RBMS1: variants seen among roughly 807,000 people sequenced by gnomAD.
RBMS1 encodes RNA-binding motif, single-stranded-interacting protein 1.
RBMS1 carries 17 observed loss-of-function variants against 62.3 expected under a neutral mutation model. The ratio of observed to expected loss-of-function variants is 0.27; its 90% CI spans 0.19 to 0.41. RBMS1 has a LOEUF of 0.41. Ranked by LOEUF, RBMS1 falls within the 10% of genes least tolerant of loss-of-function variation. The pLI is 1.00. For missense variants in RBMS1, 334 were observed against 504.5 expected (o/e 0.66, Z 3.24); for synonymous variants, 172 against 170.0 (o/e 1.01, Z -0.09).
intron 2 of RBMS1, among the ~76,000 whole-genome samples, chr2:160,322,537 T>C (rs1559378922): frequency 6.6e-6 from 1 of 152,250 alleles, no homozygotes. Flanking sequence ...GGAGTAAGAC[T>C]GAAAGACTGT....
intron 2 of RBMS1, among the ~76,000 whole-genome samples, chr2:160,333,936 A>G (rs1691425355): frequency 6.6e-6 from 1 of 152,146 alleles, no homozygotes; most frequent in South Asian, 2.1e-4. Context: ...TTAAAAAAAA[A>G]AGAGATAAAA....
chr2:160,392,049 C>A (rs1694892147), intron 1 of RBMS1, among the ~76,000 whole-genome samples: 1 of 152,078 alleles, frequency 6.6e-6, no homozygotes, highest in Non-Finnish European at 1.5e-5. Flanking sequence ...CAAATAAAAC[C>A]AAGCAAAAGA....
In RBMS1 at chr2:160,275,774, C is replaced by T. The variant is rs1449479404; in HGVS notation, c.1144-60G>A. 1.4e-5 allele frequency: 22 copies of T among 1,609,278 alleles called. No individual in the cohort carries two copies. In the African/African-American group the frequency reaches 2.3e-4, roughly 17 times the overall value. ...TAGTGAAAAAACCTCAGCTCTGCTA[C>T]TTAGGCCTGACTGAATCCAACAGTG... On this transcript the variant is annotated intron_variant, in intron 12 of 13. Transcript: ENST00000348849.
intron 1 of RBMS1, among the ~76,000 whole-genome samples, chr2:160,454,734 A>G (rs1452141281): frequency 6.6e-6 from 1 of 152,176 alleles, no homozygotes; most frequent in African/African-American, 2.4e-5. Context: ...CTTTCTTGTA[A>G]AGGCACCAGT....
At chr2:160,333,976 T>A (rs1296659044) in intron 2 of RBMS1, among the ~76,000 whole-genome samples, 1 of 152,090 alleles carries the variant, frequency 6.6e-6, no homozygotes, top group Non-Finnish European at 1.5e-5. Context: ...CATGAAAACA[T>A]GAGTGGTACA....
chr2:160,297,911 C>T (rs957090094), intron 6 of RBMS1, among the ~76,000 whole-genome samples: 2 of 152,168 alleles, frequency 1.3e-5, no homozygotes, highest in African/African-American at 2.4e-5. Context: ...CCATGCCATT[C>T]CAGGAATCCT....
At chr2:160,416,872 C>T (rs1234604405) in intron 1 of RBMS1, among the ~76,000 whole-genome samples, 1 of 152,128 alleles carries the variant, frequency 6.6e-6, no homozygotes, top group Admixed American at 6.5e-5. Flanking sequence ...TGTTAAACAG[C>T]CTTGAAATCT....
intron 1 of RBMS1, among the ~76,000 whole-genome samples, chr2:160,444,917 T>A (rs183362045): frequency 6.4e-4 from 98 of 152,296 alleles, no homozygotes; most frequent in African/African-American, 2.2e-3. Context: ...GGCACCCCGA[T>A]CTTGGACTCC....
chr2:160,374,686 T>C (rs1173043751), intron 1 of RBMS1, among the ~76,000 whole-genome samples: 11 of 152,106 alleles, frequency 7.2e-5, no homozygotes, highest in Admixed American at 7.2e-4. Context: ...TCCTAGTACT[T>C]TGGGAGGCCA....
intron 1 of RBMS1, among the ~76,000 whole-genome samples, chr2:160,369,698 G>GGCCC (rs529788530): frequency 6.6e-6 from 1 of 152,174 alleles, no homozygotes; most frequent in South Asian, 2.1e-4. Context: ...CTGTGGATCA[G>GGCCC]GCCCGCCCCT....
intron 2 of RBMS1, 132 bp downstream of exon 2, chr2:160,367,083 CA>C: frequency 3.6e-6 from 3 of 830,706 alleles, no homozygotes; most frequent in Non-Finnish European, 5.3e-6. Context: ...ACTTGAAACC[CA>C]TTTTATTGTT....
At chr2:160,397,752 G>T (rs143963963) in intron 1 of RBMS1, among the ~76,000 whole-genome samples, 1 of 151,972 alleles carries the variant, frequency 6.6e-6, no homozygotes, top group African/African-American at 2.4e-5. Flanking sequence ...CCTCCCAATG[G>T]GTATTTCCAA....
At chr2:160,275,742 G>A in intron 12 of RBMS1, 28 bp from the exon 13 acceptor site, 2 of 1,613,186 alleles carry the variant, frequency 1.2e-6, no homozygotes, top group Non-Finnish European at 1.7e-6. Flanking sequence ...GAATGGATGA[G>A]ACATGTTAGT....
intron 10 of RBMS1, 127 bp from the exon 11 acceptor site, chr2:160,278,785 T>C (rs1313323130): frequency 1.6e-5 from 10 of 620,184 alleles, no homozygotes; most frequent in Admixed American, 6.6e-5. Context: ...CCTTCCTCAA[T>C]CTTGCAAATG....
intron 1 of RBMS1, among the ~76,000 whole-genome samples, chr2:160,438,921 G>T (rs1296884449): frequency 1.4e-5 from 2 of 146,778 alleles, no homozygotes; most frequent in Non-Finnish European, 3.0e-5. Flanking sequence ...TGGACGGGGC[G>T]GCTGGCCGGG....
intron 6 of RBMS1, among the ~76,000 whole-genome samples, chr2:160,299,600 G>A (rs1026195343): frequency 8.5e-5 from 13 of 152,162 alleles, no homozygotes; most frequent in Admixed American, 7.9e-4. Flanking sequence ...TCAATGAGAC[G>A]GCACCTCAAG....
intron 1 of RBMS1, among the ~76,000 whole-genome samples, chr2:160,453,213 A>G (rs1250004088): frequency 3.3e-5 from 5 of 149,608 alleles, no homozygotes; most frequent in African/African-American, 7.3e-5. Flanking sequence ...TCCAGAGAGA[A>G]AAAAAAAAAT....
chr2:160,449,174 C>T (rs955079254), intron 1 of RBMS1, among the ~76,000 whole-genome samples: 1 of 151,554 alleles, frequency 6.6e-6, no homozygotes. Context: ...GCGTCTCCGC[C>T]GGGCAGCCGC....
At chr2:160,446,515 T>G (rs1310989835) in intron 1 of RBMS1, among the ~76,000 whole-genome samples, 1 of 152,182 alleles carries the variant, frequency 6.6e-6, no homozygotes, top group African/African-American at 2.4e-5. Flanking sequence ...CTTTCTTTCC[T>G]CTTAGGCCAA....
Sources: allele counts gnomAD v4.1 joint callset (sites outside exome capture counted in the v4.1 genomes callset), GRCh38; gene constraint gnomAD v4.1.1; transcripts MANE v1.5; gene names NCBI Gene and HGNC (gene_info 2026-07-23, HGNC 2026-07-21).